Variants in LSAMP observed in about 807,000 individuals in gnomAD.
LSAMP encodes the protein limbic system-associated membrane protein.
A neutral mutation model predicts 38.6 loss-of-function variants in LSAMP; 7 were observed. The ratio of observed to expected loss-of-function variants is 0.18; its 90% CI spans 0.10 to 0.34. The LOEUF (loss-of-function observed/expected upper bound fraction) is 0.34, where lower values mean the gene tolerates loss of function less well. Among genes scored for constraint, LSAMP ranks in the 10% least tolerant of loss-of-function variants. The pLI is 1.00. For synonymous variants in LSAMP, 154 were observed against 166.8 expected (o/e 0.92, Z 0.59); for missense variants, 313 against 420.0 (o/e 0.75, Z 2.23).
intron 4 of LSAMP, among the ~76,000 whole-genome samples, chr3:115,843,519 A>T (rs1177564528): frequency 6.6e-6 from 1 of 152,366 alleles, no homozygotes; most frequent in African/African-American, 2.4e-5. Flanking sequence ...GTTGTTTGCC[A>T]GAAAATGGCA....
In LSAMP at chr3:116,445,188, C is replaced by T. The variant is rs558619920; in HGVS notation, c.-157G>A. The stretch of plus-strand genomic sequence containing the variant: ...TTCCACTTTGCCTCTCTCTTTCCCT[C>T]GCTCAGTCTCTTTTCCCTCTAAGAC... On this transcript the variant is annotated 5_prime_UTR_variant, in exon 1 of 7. Coordinates refer to ENST00000490035, the MANE Select transcript of LSAMP (RefSeq NM_002338.5). 3.0e-5 allele frequency: 20 copies of T among 661,854 alleles called. No individual in the cohort carries two copies. Among genetic ancestry groups the T allele is most frequent in the South Asian group, 1.9e-4 (10 of 52,698 alleles). The allele number at this position is 661,854 out of a possible 1,614,324, so 41.0% of individuals were successfully genotyped here. A position where few individuals can be genotyped will look rare whatever the true frequency, so the allele number is the denominator to read the frequency against.
chr3:116,420,799 C>G (rs192773979), intron 1 of LSAMP, among the ~76,000 whole-genome samples: 89 of 152,054 alleles, frequency 5.9e-4, no homozygotes, highest in African/African-American at 2.1e-3. Context: ...ATCACTTGAA[C>G]CCGGGAGGCA....
intron 3 of LSAMP, among the ~76,000 whole-genome samples, chr3:115,877,036 G>A (rs1304808217): frequency 6.6e-6 from 1 of 152,078 alleles, no homozygotes; most frequent in East Asian, 1.9e-4. Flanking sequence ...CAATATTACC[G>A]GAATAAGTAA....
chr3:116,171,842 C>T (rs376524890), intron 1 of LSAMP, among the ~76,000 whole-genome samples: 1 of 151,960 alleles, frequency 6.6e-6, no homozygotes, highest in Non-Finnish European at 1.5e-5. Flanking sequence ...TTATTTATCT[C>T]TATCTCTTTG....
chr3:116,056,001 T>A lies in LSAMP; in HGVS notation c.388+30323A>T, dbSNP rs55851212. On this transcript the variant is annotated intron_variant, in intron 2 of 6. Coordinates refer to ENST00000490035, the MANE Select transcript of LSAMP (RefSeq NM_002338.5). ...CAGCTCTTCTGATTCACACGACTAT[T>A]GAGGGAGCAGCTTCATTAAGCCTGG... Among the ~76,000 whole-genome samples, 3 of 152,026 alleles carry A rather than the reference T, an allele frequency of 2.0e-5. No individual in the cohort carries two copies. In the East Asian group the frequency reaches 5.8e-4, roughly 29 times the overall value.
In LSAMP at chr3:116,437,025, G is replaced by A. The variant is rs570500712; in HGVS notation, c.155+7852C>T. Among the ~76,000 whole-genome samples, 177 of 141,608 alleles carry A rather than the reference G, an allele frequency of 1.2e-3. 1 individual carries two copies. Among genetic ancestry groups the A allele is most frequent in the African/African-American group, 4.7e-3 (171 of 36,266 alleles). 92.9% of individuals were successfully genotyped at this position (141,608 alleles called of 152,430 possible). On this transcript the variant is annotated intron_variant, in intron 1 of 6. Transcript: ENST00000490035. ...TATATATGTGTATATATATGTGTGT[G>A]TATATATATATATGTGTATATATAT...
At chr3:116,436,766 T>C (rs891978458) in intron 1 of LSAMP, among the ~76,000 whole-genome samples, 2 of 152,034 alleles carry the variant, frequency 1.3e-5, no homozygotes, top group African/African-American at 2.4e-5. Flanking sequence ...TGGAAAACAG[T>C]GTGGAGATTC....
chr3:115,836,209 C>T (rs1934779764), intron 6 of LSAMP, among the ~76,000 whole-genome samples: 1 of 152,136 alleles, frequency 6.6e-6, no homozygotes, highest in South Asian at 2.1e-4. Context: ...CGTCTTAGCT[C>T]CACCCTGTTA....
intron 1 of LSAMP, among the ~76,000 whole-genome samples, chr3:116,355,221 C>T (rs1576156359): frequency 6.6e-6 from 1 of 152,028 alleles, no homozygotes; most frequent in African/African-American, 2.4e-5. Flanking sequence ...ATACAGTCTG[C>T]TTCACATTTT....
chr3:116,176,368 T>A (rs1397786241), intron 1 of LSAMP, among the ~76,000 whole-genome samples: 2 of 152,110 alleles, frequency 1.3e-5, no homozygotes, highest in Non-Finnish European at 2.9e-5. Flanking sequence ...AACAATTCCA[T>A]ATTTAAAACT....
At chr3:116,304,409 G>A (rs540955477) in intron 1 of LSAMP, among the ~76,000 whole-genome samples, 2 of 152,174 alleles carry the variant, frequency 1.3e-5, no homozygotes, top group East Asian at 1.9e-4. Context: ...AAGCTGTTTC[G>A]GACAAAGGAA....
chr3:116,078,409 C>T (rs1707797156), intron 2 of LSAMP, among the ~76,000 whole-genome samples: 1 of 151,894 alleles, frequency 6.6e-6, no homozygotes, highest in Non-Finnish European at 1.5e-5. Flanking sequence ...ACTGCAAGCT[C>T]CGCCTCCCGG....
intron 1 of LSAMP, among the ~76,000 whole-genome samples, chr3:116,216,636 G>GA (rs759448892): frequency 2.6e-5 from 4 of 151,456 alleles, no homozygotes; most frequent in South Asian, 2.1e-4. Flanking sequence ...AACTGTTTAG[G>GA]AAAAAAAACT....
chr3:116,233,728 G>A (rs925766397), intron 1 of LSAMP, among the ~76,000 whole-genome samples: 6 of 151,734 alleles, frequency 4.0e-5, no homozygotes, highest in African/African-American at 1.5e-4. Flanking sequence ...AAAAAGAAAA[G>A]ATGGCCTTGA....
intron 4 of LSAMP, among the ~76,000 whole-genome samples, chr3:115,850,347 C>T (rs11917993): frequency 0.056 from 8,527 of 152,020 alleles, 789 homozygotes; most frequent in African/African-American, 0.19. Flanking sequence ...ATGTATACCA[C>T]GATTGGACTT....
chr3:115,930,007 T>TTTTTTTG (rs1559885291), intron 3 of LSAMP, among the ~76,000 whole-genome samples: 1 of 135,794 alleles, frequency 7.4e-6, no homozygotes, highest in Non-Finnish European at 1.6e-5. Context: ...CAGAAGTTTT[T>TTTTTTTG]TTTTTTTTTT....
At chr3:116,322,869 G>A (rs979614405) in intron 1 of LSAMP, among the ~76,000 whole-genome samples, 2 of 148,922 alleles carry the variant, frequency 1.3e-5, no homozygotes, top group African/African-American at 2.5e-5. Context: ...TCTTATCCTC[G>A]CCCTTCTTTG....
chr3:116,269,267 G>T (rs2046938115), intron 1 of LSAMP, among the ~76,000 whole-genome samples: 1 of 151,848 alleles, frequency 6.6e-6, no homozygotes, highest in African/African-American at 2.4e-5. Flanking sequence ...TGAAATGTCT[G>T]CAAGCCTGTT....
intron 3 of LSAMP, among the ~76,000 whole-genome samples, chr3:115,921,537 AT>A (rs1468978733): frequency 1.3e-5 from 2 of 152,100 alleles, no homozygotes; most frequent in East Asian, 1.9e-4. Context: ...AATTATAATT[AT>A]TCTTATACAT....
Sources: gnomAD v4.1 joint callset for allele counts (sites outside exome capture counted in the v4.1 genomes callset) on GRCh38, gnomAD v4.1.1 for gene constraint, MANE v1.5 for transcripts, NCBI Gene and HGNC (gene_info 2026-07-23, HGNC 2026-07-21) for gene names.